PTGER3: variants seen among roughly 807,000 people sequenced by gnomAD.
PTGER3 encodes the protein prostaglandin E receptor 3.
In PTGER3, 22 loss-of-function variants were observed where a neutral mutation model predicts 34.7. The observed-to-expected ratio is 0.63, with a 90% confidence interval of 0.45 to 0.91. PTGER3 has a LOEUF of 0.91. PTGER3 is among the 40% of genes least tolerant of loss of function. PTGER3 has a pLI of 0.00. For synonymous variants in PTGER3, 241 were observed against 230.1 expected, an observed-to-expected ratio of 1.05 and a Z score of -0.43; for missense variants, 468 against 519.4, an observed-to-expected ratio of 0.90 and a Z score of 0.96.
downstream of PTGER3, among the ~76,000 whole-genome samples, chr1:70,966,930 A>G (rs1652585711): frequency 1.3e-5 from 2 of 152,134 alleles, no homozygotes; most frequent in African/African-American, 2.4e-5. Context: ...GTGTCTTTAT[A>G]GTAGAATGAT....
chr1:71,039,537 C>A (rs1193955151), intron 1 of PTGER3, among the ~76,000 whole-genome samples: 1 of 150,204 alleles, frequency 6.7e-6, no homozygotes, highest in East Asian at 2.0e-4. Flanking sequence ...GTAGTCCCAG[C>A]TACTCGGGAG....
intron 2 of PTGER3, chr1:71,008,854 A>G (rs1431931327): frequency 2.1e-6 from 2 of 960,648 alleles, no homozygotes; most frequent in South Asian, 4.8e-5. Flanking sequence ...TAGGCTTTTT[A>G]TGTGTTTGTA....
At chr1:70,927,915 T>C (rs932169541) in intron 4 of PTGER3, among the ~76,000 whole-genome samples, 14 of 152,116 alleles carry the variant, frequency 9.2e-5, no homozygotes, top group African/African-American at 3.4e-4. Flanking sequence ...GTATTTACCC[T>C]ATACACTGAT....
In PTGER3 at chr1:71,047,505, A is replaced by T. The variant is rs1018987601; in HGVS notation, c.73T>A (p.Trp25Arg). 1.1e-5 allele frequency: 18 copies of T among 1,603,282 alleles called. No individual in the cohort carries two copies. Among genetic ancestry groups the T allele is most frequent in the Non-Finnish European group, 1.4e-5 (17 of 1,176,492 alleles). Residue 25 changes from tryptophan (W) to arginine (R), a missense_variant, in exon 1 of 4, where the codon TGG becomes AGG. Trp to Arg is a moderately radical substitution (Grantham distance 101). Around this residue, in one of 5 missense-constraint regions of PTGER3, gnomAD observed 151 missense variants for 133.5 expected, o/e 1.13. Coordinates refer to ENST00000306666, the MANE Select transcript of PTGER3 (RefSeq NM_198719.2). ...GCCTCGGCGGAACGCTCGGGCGCCCACATGCCTGTGTAGGAGTGGTTGAGG... is the reference window on the plus strand; with the variant it reads ...GCCTCGGCGGAACGCTCGGGCGCCCTCATGCCTGTGTAGGAGTGGTTGAGG... ...TRLNHSYTGM[W>R]APERSAEARG...
intron 4 of PTGER3, among the ~76,000 whole-genome samples, chr1:70,943,354 G>C (rs1368605729): frequency 6.6e-6 from 1 of 152,062 alleles, no homozygotes; most frequent in Non-Finnish European, 1.5e-5. Context: ...CAATCATGTA[G>C]CCTGATTTTG....
At chr1:71,010,281 A>G (rs1464036667) in intron 2 of PTGER3, 1 of 984,510 alleles carries the variant, frequency 1.0e-6, no homozygotes, top group Non-Finnish European at 1.2e-6. Context: ...ACCCTTGAAG[A>G]TAAATTCATA....
At chr1:70,953,036 A>G (rs1271642457) in exon 4 of PTGER3, 1 of 1,606,448 alleles carries the variant, frequency 6.2e-7, no homozygotes, top group East Asian at 2.2e-5. Flanking sequence ...TCTGTATCTG[A>G]GAGTTCTGCA....
At chr1:70,935,845 G>A (rs987322863) in intron 4 of PTGER3, among the ~76,000 whole-genome samples, 1 of 151,912 alleles carries the variant, frequency 6.6e-6, no homozygotes, top group Non-Finnish European at 1.5e-5. Context: ...AGAGAGGACA[G>A]TAGAACTAGG....
intron 4 of PTGER3, among the ~76,000 whole-genome samples, chr1:70,893,309 C>A (rs931991452): frequency 1.3e-5 from 2 of 152,182 alleles, no homozygotes; most frequent in African/African-American, 4.8e-5. Context: ...TAAAGTCATG[C>A]AGCTAAGTGC....
At chr1:70,908,835 C>T (rs1647003578) in intron 4 of PTGER3, among the ~76,000 whole-genome samples, 1 of 152,134 alleles carries the variant, frequency 6.6e-6, no homozygotes, top group Non-Finnish European at 1.5e-5. Context: ...GGCATTAAAG[C>T]TCTTTTTCAT....
At chr1:70,966,723 G>C (rs1449733158), downstream of PTGER3, among the ~76,000 whole-genome samples, 1 of 152,092 alleles carries the variant, frequency 6.6e-6, no homozygotes, top group East Asian at 1.9e-4. Context: ...TCCTGTGTTA[G>C]TTTGCTGAGG....
intron 4 of PTGER3, among the ~76,000 whole-genome samples, chr1:70,889,946 C>T (rs1417786217): frequency 6.6e-6 from 1 of 152,088 alleles, no homozygotes; most frequent in Admixed American, 6.5e-5. Context: ...TCCTTCATCT[C>T]CAAATGTTAC....
At chr1:71,045,023 A>G (rs1660637910) in intron 1 of PTGER3, among the ~76,000 whole-genome samples, 1 of 152,280 alleles carries the variant, frequency 6.6e-6, no homozygotes, top group South Asian at 2.1e-4. Flanking sequence ...CATAAAAGTA[A>G]ATACTGTATA....
In PTGER3 at chr1:70,971,239, C is replaced by T. The variant is rs973858214; in HGVS notation, c.*491G>A. ...TTTTGTCACGATTCCCTCCTGCCCTCATTTGCTTTTATATGTCGTTAAGTT... is the reference window on the plus strand; with the variant it reads ...TTTTGTCACGATTCCCTCCTGCCCTTATTTGCTTTTATATGTCGTTAAGTT... On this transcript the variant is annotated 3_prime_UTR_variant, in exon 4 of 4. Coordinates refer to ENST00000306666, the MANE Select transcript of PTGER3 (RefSeq NM_198719.2). The T allele has an allele frequency of 5.1e-6, 5 of 985,420 alleles. No homozygotes were observed. In the African/African-American group the frequency reaches 7.0e-5, roughly 14 times the overall value. 61.0% of individuals were successfully genotyped at this position (985,420 alleles called of 1,614,324 possible). A position where few individuals can be genotyped will look rare whatever the true frequency, so the allele number is the denominator to read the frequency against.
intron 2 of PTGER3, among the ~76,000 whole-genome samples, chr1:70,979,849 C>T (rs74568638): frequency 0.023 from 3,502 of 152,238 alleles, 153 homozygotes; most frequent in African/African-American, 0.08. Flanking sequence ...TATACAGTTA[C>T]TAGGCTTTGT....
chr1:70,992,723 T>A (rs1366418901), intron 2 of PTGER3, among the ~76,000 whole-genome samples: 3 of 152,166 alleles, frequency 2.0e-5, no homozygotes, highest in Non-Finnish European at 4.4e-5. Context: ...ATTTCATCAT[T>A]TTACTTGATT....
At chr1:70,853,480 T>C (rs938854475) in intron 4 of PTGER3, among the ~76,000 whole-genome samples, 13 of 152,288 alleles carry the variant, frequency 8.5e-5, no homozygotes, top group African/African-American at 2.6e-4. Context: ...ATGTGGACCT[T>C]GTTTAGATTT....
At chr1:70,984,938 C>G (rs930051118) in intron 2 of PTGER3, among the ~76,000 whole-genome samples, 1 of 152,076 alleles carries the variant, frequency 6.6e-6, no homozygotes, top group African/African-American at 2.4e-5. Flanking sequence ...AATACATTTT[C>G]TTGAATTGGT....
chr1:70,880,698 GA>G (rs200294042), intron 4 of PTGER3, among the ~76,000 whole-genome samples: 316 of 127,626 alleles, frequency 2.5e-3, no homozygotes, highest in East Asian at 0.016. Flanking sequence ...AAAAAAAAAA[GA>G]AAAAAAAAAA....
Sources: allele counts gnomAD v4.1 joint callset (sites outside exome capture counted in the v4.1 genomes callset), GRCh38; gene constraint gnomAD v4.1.1; regional missense constraint gnomAD v4.1.1; transcripts MANE v1.5; gene names NCBI Gene and HGNC (gene_info 2026-07-23, HGNC 2026-07-21).